The following NIPA2 variants were observed in gnomAD, a reference collection of about 807,000 sequenced individuals.
NIPA2 encodes the protein magnesium transporter NIPA2.
A neutral mutation model predicts 29.7 loss-of-function variants in NIPA2; 11 were observed. The observed-to-expected ratio is 0.37, with a 90% CI of 0.23 to 0.61. The LOEUF is 0.61. Among genes scored for constraint, NIPA2 ranks in the 20% least tolerant of loss-of-function variants. The pLI, the probability that NIPA2 is intolerant of heterozygous loss-of-function variation, is 0.66. For missense variants in NIPA2, 426 were observed against 437.9 expected (o/e 0.97, Z 0.24); for synonymous variants, 183 against 161.9 (o/e 1.13, Z -0.99).
rs1230948825 is a variant in NIPA2 at position 22,867,374 on chromosome 15, C to A, written c.*527C>A. 2.6e-6 allele frequency: 1 copy of A among 391,906 alleles called. No individual in the cohort carries two copies. The highest frequency in any genetic ancestry group is 4.5e-6 in the Non-Finnish European group (1 of 222,622). 24.3% of individuals were successfully genotyped at this position (391,906 alleles called of 1,614,324 possible). ...AAAACTAAGTTACTGAATGAAGGAA[C>A]CTCTTTCTTACAAAACAAAAAAAAG... On this transcript the variant is annotated 3_prime_UTR_variant, in exon 8 of 8. Transcript: ENST00000337451.
chr15:22,857,836 C>CA (rs60523225), intron 5 of NIPA2, among the ~76,000 whole-genome samples: 4,129 of 67,720 alleles, frequency 0.061, 168 homozygotes, highest in Non-Finnish European at 0.082. Flanking sequence ...GACTCCATCT[C>CA]AAAAAAAAAA....
In NIPA2 at chr15:22,867,323, T is replaced by TTTA. The variant is rs1388576147; in HGVS notation, c.*479_*481dup. 5 of 397,634 alleles carry TTTA rather than the reference T, an allele frequency of 1.3e-5. No individual in the cohort carries two copies. The South Asian group carries it at 3.9e-4, about 31-fold the overall frequency. The allele number at this position is 397,634 out of a possible 1,614,324, so 24.6% of individuals were successfully genotyped here. A position where few individuals can be genotyped will look rare whatever the true frequency, so the allele number is the denominator to read the frequency against. ...TCCTGTTTGTTTGATGATGATTGGT[T>TTTA]TTATTTTTGAAATATTTATTAAGGG... On this transcript the variant is annotated 3_prime_UTR_variant, in exon 8 of 8. Transcript: ENST00000337451.
rs1898818257 is a variant in NIPA2 at position 22,846,834 on chromosome 15, A to ATT, written c.-94+1567_-94+1568insTT. Among the ~76,000 whole-genome samples, 844 of 101,410 alleles carry ATT rather than the reference A, an allele frequency of 8.3e-3. 5 individuals carry two copies. The highest frequency in any genetic ancestry group is 0.028 in the Admixed American group (222 of 7,820). The allele number at this position is 101,410 out of a possible 152,430, so 66.5% of individuals were successfully genotyped here. ...CTGTCTCCAAAATAATAATAATAATAATAATAATTATTATTATTATTATTT... is the reference window on the plus strand; with the variant it reads ...CTGTCTCCAAAATAATAATAATAATATTATAATAATTATTATTATTATTATTT... On this transcript the variant is annotated intron_variant, in intron 3 of 7. Transcript: ENST00000337451.
chr15:22,851,955 C>T lies in NIPA2; in HGVS notation c.139+85C>T, dbSNP rs7170784. 597,080 of 1,127,056 alleles carry T rather than the reference C, an allele frequency of 0.53. 165,861 individuals carry two copies. Among genetic ancestry groups the T allele is most frequent in the Non-Finnish European group, 0.57 (446,202 of 779,906 alleles). The allele number at this position is 1,127,056 out of a possible 1,614,324, so 69.8% of individuals were successfully genotyped here. A position where few individuals can be genotyped will look rare whatever the true frequency, so the allele number is the denominator to read the frequency against. ...CTTTGTACAAGACCACATCTTCATT[C>T]CTCGTGAGTGTATTTGAAACTTTGA... On this transcript the variant is annotated intron_variant, in intron 4 of 7. Coordinates refer to ENST00000337451, the MANE Select transcript of NIPA2 (RefSeq NM_030922.7).
chr15:22,843,576 C>T (rs1897744469), intron 2 of NIPA2, among the ~76,000 whole-genome samples: 1 of 151,398 alleles, frequency 6.6e-6, no homozygotes, highest in Admixed American at 6.6e-5. Flanking sequence ...TTAATTAAGG[C>T]TTTGTTGAAA....
chr15:22,843,657 C>CTT (rs75439328), intron 2 of NIPA2, among the ~76,000 whole-genome samples: 1 of 146,482 alleles, frequency 6.8e-6, no homozygotes. Flanking sequence ...CAATTTTTTC[C>CTT]TTTTTTTTTT....
In NIPA2 at chr15:22,866,759, A is replaced by G. The variant is rs1329526188; in HGVS notation, c.995A>G (p.Asn332Ser). The G allele has an allele frequency of 3.1e-6, 5 of 1,613,670 alleles. No individual in the cohort carries two copies. In the Admixed American group the frequency reaches 5.0e-5, roughly 16 times the overall value. Residue 332 changes from asparagine (N) to serine (S), a missense_variant, in exon 8 of 8, where the codon AAT becomes AGT. By Grantham distance (46) the Asn-to-Ser change is conservative (BLOSUM62 1). Coordinates refer to ENST00000337451, the MANE Select transcript of NIPA2 (RefSeq NM_030922.7). ...GNLSNMYEVL[N>S]NNEESLTCGI... ...CTCTCTAATATGTATGAAGTTCTTAATAATAATGAAGAAAGCTTAACCTGT... is the reference window on the plus strand; with the variant it reads ...CTCTCTAATATGTATGAAGTTCTTAGTAATAATGAAGAAAGCTTAACCTGT...
rs547287963 is a variant in NIPA2 at position 22,859,385 on chromosome 15, C to T, written c.287+755C>T. 3.3e-5 allele frequency among the ~76,000 whole-genome samples: 5 copies of T among 150,608 alleles called. No individual in the cohort carries two copies. In the East Asian group the frequency reaches 7.9e-4, roughly 24 times the overall value. ...TCGGCTCCCTGCAAGCTCCACCTCC[C>T]GGGTTCACACCATTCTCCTGCCACA... On this transcript the variant is annotated intron_variant, in intron 6 of 7. Transcript: ENST00000337451.
In NIPA2 at chr15:22,866,490, A is replaced by T; in HGVS notation, c.726A>T (p.Ile242=). 1 of 1,613,974 alleles carries T rather than the reference A, an allele frequency of 6.2e-7. No individual in the cohort carries two copies. The highest frequency in any genetic ancestry group is 8.5e-7 in the Non-Finnish European group (1 of 1,179,876). The change falls in exon 8 of 8, where the codon ATA becomes ATT. Residue 242 remains isoleucine, a synonymous_variant. Transcript: ENST00000337451. ...QINYLNRALD[I]FNTSIVTPIY... is the part of the protein sequence containing the mutation. ...ATTACCTAAATAGGGCCCTGGATAT[A>T]TTCAACACTTCCATTGTGACTCCAA... is the stretch of plus-strand genomic sequence containing the variant.
chr15:22,858,489 T>C (rs2141400437), intron 5 of NIPA2, 51 bp from the exon 6 acceptor site: 1 of 1,158,116 alleles, frequency 8.6e-7, no homozygotes, highest in East Asian at 2.5e-5. Context: ...CATTTCCAAG[T>C]TGAGTACATA....
chr15:22,851,568 T>G, intron 3 of NIPA2, 71 bp from the exon 4 acceptor site: 1 of 421,434 alleles, frequency 2.4e-6, no homozygotes, highest in Non-Finnish European at 4.1e-6. Context: ...AGAAATGGAG[T>G]AAAATTTTGA....
At chr15:22,847,836 T>G (rs977043224) in intron 3 of NIPA2, among the ~76,000 whole-genome samples, 1 of 152,062 alleles carries the variant, frequency 6.6e-6, no homozygotes, top group Non-Finnish European at 1.5e-5. Flanking sequence ...TCTATCTTGT[T>G]GCCCAGGCTG....
intron 7 of NIPA2, 98 bp downstream of exon 7, chr15:22,860,887 C>A: frequency 1.2e-6 from 1 of 845,252 alleles, no homozygotes. Context: ...AGAAATTGTT[C>A]CACCTGGTAG....
chr15:22,853,138 T>C, intron 4 of NIPA2, 74 bp from the exon 5 acceptor site: 2 of 982,052 alleles, frequency 2.0e-6, no homozygotes, highest in Non-Finnish European at 3.2e-6. Context: ...TAAAAATCTG[T>C]CATTACTAAT....
rs554721551 is a variant in NIPA2, at chr15:22,855,597, A to G, written c.196+2329A>G. On this transcript the variant is annotated intron_variant, in intron 5 of 7. Coordinates refer to ENST00000337451, the MANE Select transcript of NIPA2 (RefSeq NM_030922.7). ...ACATTCTAGGTGGGAGACATTAAAC[A>G]AGATAAAGAAGTTATGTGTTTATGT... 9.9e-5 allele frequency among the ~76,000 whole-genome samples: 15 copies of G among 152,246 alleles called. No individual in the cohort carries two copies. In the South Asian group the frequency reaches 1.5e-3, roughly 15 times the overall value.
rs1434883818 is a variant in NIPA2 at position 22,866,145 on chromosome 15, T to A, written c.449-68T>A. 2.4e-5 allele frequency: 31 copies of A among 1,268,422 alleles called. No homozygotes were observed. In the Admixed American group the frequency reaches 6.4e-4, roughly 26 times the overall value. 78.6% of individuals were successfully genotyped at this position (1,268,422 alleles called of 1,614,324 possible). The stretch of plus-strand genomic sequence containing the variant: ...TCTCCCTATCAAGTTTATTATATTT[T>A]GTTTTGCATTCTGTGTTTAAGAACA... On this transcript the variant is annotated intron_variant, in intron 7 of 7. Transcript: ENST00000337451.
At chr15:22,852,467 T>TA (rs71411211) in intron 4 of NIPA2, among the ~76,000 whole-genome samples, 4,954 of 130,978 alleles carry the variant, frequency 0.038, 318 homozygotes, top group African/African-American at 0.13. Flanking sequence ...AGACTCCGTC[T>TA]AAAAAAAAAA....
intron 3 of NIPA2, among the ~76,000 whole-genome samples, chr15:22,846,311 T>TTGGCATCTTGGGGAGGGAAGCTTGCCCTG (rs1251096595): frequency 1.4e-4 from 21 of 152,148 alleles, no homozygotes; most frequent in Non-Finnish European, 2.8e-4. Flanking sequence ...TGAGAATTGT[T>TTGGCATCTTGGGGAGGGAAGCTTGCCCTG]TGGCATCTTG....
intron 2 of NIPA2, among the ~76,000 whole-genome samples, chr15:22,842,203 G>T (rs1352747324): frequency 6.6e-6 from 1 of 152,144 alleles, no homozygotes; most frequent in African/African-American, 2.4e-5. Flanking sequence ...GGTTGGTTGA[G>T]TAAATGATAT....
Sources: gnomAD v4.1 joint callset for allele counts (sites outside exome capture counted in the v4.1 genomes callset) on GRCh38, gnomAD v4.1.1 for gene constraint, MANE v1.5 for transcripts, NCBI Gene and HGNC (gene_info 2026-07-23, HGNC 2026-07-21) for gene names.